Variants in RNLS observed in about 807,000 individuals in gnomAD.
RNLS encodes renalase.
Under a neutral mutation model 39.8 loss-of-function variants are expected in RNLS, and 39 were observed. The observed-to-expected ratio is 0.98, with a 90% CI of 0.76 to 1.28. RNLS has a LOEUF of 1.28. RNLS is among the 50% of genes most tolerant of loss of function. The pLI, the probability that RNLS is intolerant of heterozygous loss-of-function variation, is 0.00. For synonymous variants in RNLS, 147 were observed against 150.7 expected (o/e 0.98, Z 0.18); for missense variants, 410 against 413.3 (o/e 0.99, Z 0.07).
intron 6 of RNLS, among the ~76,000 whole-genome samples, chr10:88,303,836 C>T (rs897464374): frequency 5.3e-5 from 8 of 152,204 alleles, no homozygotes; most frequent in Non-Finnish European, 7.3e-5. Flanking sequence ...CCAGCCAGCA[C>T]CCTGCCCCCA....
chr10:88,388,907 A>C (rs1852026574), intron 4 of RNLS, among the ~76,000 whole-genome samples: 1 of 152,196 alleles, frequency 6.6e-6, no homozygotes, highest in Non-Finnish European at 1.5e-5. Context: ...AATAAATATC[A>C]GGGAATTAAC....
At chr10:88,214,093 T>C in the RNLS span, among the ~76,000 whole-genome samples, 267 of 152,268 alleles carry the variant, frequency 1.8e-3, no homozygotes, top group Admixed American at 6.1e-3. Flanking sequence ...TCAAGTTTCA[T>C]GGGCAGTAGT....
chr10:88,463,888 C>G (rs1322414881), intron 4 of RNLS, among the ~76,000 whole-genome samples: 1 of 151,750 alleles, frequency 6.6e-6, no homozygotes, highest in Non-Finnish European at 1.5e-5. Flanking sequence ...TCTATGATGA[C>G]TTTGAGGCCT....
intron 4 of RNLS, among the ~76,000 whole-genome samples, chr10:88,410,284 T>C (rs566176170): frequency 2.6e-5 from 4 of 152,264 alleles, no homozygotes; most frequent in Admixed American, 6.5e-5. Context: ...TCGACCATAA[T>C]TTAATATCAG....
At chr10:88,490,417 A>G (rs1310697519) in intron 4 of RNLS, among the ~76,000 whole-genome samples, 3 of 152,224 alleles carry the variant, frequency 2.0e-5, no homozygotes. Flanking sequence ...AAGAATGTGC[A>G]TATACAAAGT....
intron 4 of RNLS, among the ~76,000 whole-genome samples, chr10:88,489,792 G>A (rs1022711529): frequency 3.3e-5 from 5 of 152,174 alleles, no homozygotes; most frequent in African/African-American, 1.2e-4. Context: ...TCAACCATCA[G>A]TTTGTATTCT....
chr10:88,433,282 C>T (rs1480632238), intron 4 of RNLS, among the ~76,000 whole-genome samples: 1 of 151,912 alleles, frequency 6.6e-6, no homozygotes, highest in East Asian at 1.9e-4. Context: ...ATGAAAAATT[C>T]CAGTAGTCCA....
chr10:88,214,157 G>A, the RNLS span, among the ~76,000 whole-genome samples: 1 of 152,026 alleles, frequency 6.6e-6, no homozygotes, highest in South Asian at 2.1e-4. Context: ...TAACTTTCAG[G>A]TTCTGTTAAA....
chr10:88,575,124 GTATA>G (rs1174268534), intron 3 of RNLS, among the ~76,000 whole-genome samples: 1,880 of 98,792 alleles, frequency 0.019, 21 homozygotes, highest in Middle Eastern at 0.054. Context: ...GTTCTGCAAA[GTATA>G]TATATATATA....
the RNLS span, among the ~76,000 whole-genome samples, chr10:88,268,338 A>C: frequency 6.6e-6 from 1 of 152,112 alleles, no homozygotes; most frequent in African/African-American, 2.4e-5. Context: ...AAAAACTTGA[A>C]AGCTCTCCAT....
intron 4 of RNLS, among the ~76,000 whole-genome samples, chr10:88,366,175 T>A (rs771006576): frequency 6.6e-6 from 1 of 152,162 alleles, no homozygotes; most frequent in East Asian, 1.9e-4. Context: ...AAGGGATACA[T>A]AACAGGTTTG....
At chr10:88,473,618 T>C (rs566331283) in intron 4 of RNLS, among the ~76,000 whole-genome samples, 18 of 152,290 alleles carry the variant, frequency 1.2e-4, no homozygotes, top group African/African-American at 4.1e-4. Flanking sequence ...CTACAAAAAA[T>C]ATATACCATG....
chr10:88,479,760 G>T (rs1844042596), intron 4 of RNLS, among the ~76,000 whole-genome samples: 1 of 148,914 alleles, frequency 6.7e-6, no homozygotes, highest in Non-Finnish European at 1.5e-5. Context: ...TTTCATATCA[G>T]CCATTCTTCT....
intron 4 of RNLS, among the ~76,000 whole-genome samples, chr10:88,415,955 G>C (rs906650340): frequency 6.6e-6 from 1 of 152,104 alleles, no homozygotes; most frequent in African/African-American, 2.4e-5. Context: ...TGATCTGTGG[G>C]CTCCTCCTTC....
chr10:88,261,022 A>C, the RNLS span, among the ~76,000 whole-genome samples: 6 of 152,224 alleles, frequency 3.9e-5, no homozygotes, highest in Non-Finnish European at 8.8e-5. Context: ...ATATTAACAG[A>C]CTTGAGAAGA....
chr10:88,176,115 T>G, the RNLS span, among the ~76,000 whole-genome samples: 1 of 152,210 alleles, frequency 6.6e-6, no homozygotes, highest in Non-Finnish European at 1.5e-5. Flanking sequence ...GTGAGTTTCT[T>G]GTAGGCATCA....
At chr10:88,405,795 C>G (rs1199114943) in intron 4 of RNLS, among the ~76,000 whole-genome samples, 1 of 151,858 alleles carries the variant, frequency 6.6e-6, no homozygotes, top group African/African-American at 2.4e-5. Flanking sequence ...TGCTTTTTAA[C>G]TTGTATTTTT....
chr10:88,412,698 G>A (rs1853753840), intron 4 of RNLS, among the ~76,000 whole-genome samples: 1 of 151,896 alleles, frequency 6.6e-6, no homozygotes, highest in Admixed American at 6.6e-5. Flanking sequence ...ATGAATGAGA[G>A]GTGAGATGAT....
downstream of RNLS, among the ~76,000 whole-genome samples, chr10:88,283,089 G>T (rs1374089150): frequency 6.6e-6 from 1 of 152,148 alleles, no homozygotes; most frequent in Non-Finnish European, 1.5e-5. Flanking sequence ...TCTCCCAGGG[G>T]AGTTTGATAT....
Sources: allele counts gnomAD v4.1 joint callset (sites outside exome capture counted in the v4.1 genomes callset), GRCh38; gene constraint gnomAD v4.1.1; transcripts MANE v1.5; gene names NCBI Gene and HGNC (gene_info 2026-07-23, HGNC 2026-07-21).